Variants in SORCS3 observed in about 807,000 individuals in gnomAD.
The protein encoded by SORCS3 is VPS10 domain-containing receptor SorCS3.
Under a neutral mutation model 146.3 loss-of-function variants are expected in SORCS3, and 57 were observed. That is an observed-to-expected ratio of 0.39 (90% CI 0.31 to 0.49). SORCS3 has a LOEUF of 0.49. SORCS3 is among the 20% of genes least tolerant of loss of function. The pLI, the probability that SORCS3 is intolerant of heterozygous loss-of-function variation, is 0.92. For synonymous variants in SORCS3, 653 were observed against 618.5 expected (o/e 1.06, Z -0.83); for missense variants, 1,341 against 1,575.5 (o/e 0.85, Z 2.52).
At chr10:104,740,982 G>A (rs2016834235) in intron 1 of SORCS3, among the ~76,000 whole-genome samples, 1 of 151,696 alleles carries the variant, frequency 6.6e-6, no homozygotes, top group South Asian at 2.1e-4. Context: ...TTATTTTGGA[G>A]ACAGGGTCTC....
At chr10:104,832,044 T>C (rs959025966) in intron 1 of SORCS3, among the ~76,000 whole-genome samples, 3 of 152,192 alleles carry the variant, frequency 2.0e-5, no homozygotes, top group Admixed American at 6.5e-5. Flanking sequence ...CAGCTACCCA[T>C]TTTGTATTTC....
chr10:104,895,595 T>C (rs1253558289), intron 2 of SORCS3, among the ~76,000 whole-genome samples: 1 of 152,200 alleles, frequency 6.6e-6, no homozygotes, highest in African/African-American at 2.4e-5. Flanking sequence ...ACAGCATCTG[T>C]GTCTCAGGGA....
intron 3 of SORCS3, among the ~76,000 whole-genome samples, chr10:104,969,338 T>TGC (rs1275082596): frequency 5.2e-4 from 75 of 143,440 alleles, no homozygotes; most frequent in African/African-American, 1.4e-3. Context: ...TGTGTGTGTG[T>TGC]GTGCGCGCGC....
chr10:104,953,120 A>G (rs1272785422), intron 3 of SORCS3, among the ~76,000 whole-genome samples: 2 of 152,240 alleles, frequency 1.3e-5, no homozygotes, highest in African/African-American at 2.4e-5. Flanking sequence ...AGAGGAGGAT[A>G]GCTAACCAAA....
intron 7 of SORCS3, among the ~76,000 whole-genome samples, chr10:105,110,472 C>T (rs1469345399): frequency 1.3e-5 from 2 of 151,672 alleles, no homozygotes; most frequent in Non-Finnish European, 2.9e-5. Flanking sequence ...ATATGTTTAA[C>T]TATTGCTTAT....
intron 14 of SORCS3, among the ~76,000 whole-genome samples, chr10:105,185,027 A>C (rs995047908): frequency 2.6e-5 from 4 of 152,150 alleles, no homozygotes; most frequent in Admixed American, 2.0e-4. Context: ...GAGTTTGACT[A>C]TTTTAGATAC....
At chr10:104,960,640 G>A (rs908929751) in intron 3 of SORCS3, among the ~76,000 whole-genome samples, 3 of 152,148 alleles carry the variant, frequency 2.0e-5, no homozygotes, top group Non-Finnish European at 4.4e-5. Flanking sequence ...ACATTAGTAA[G>A]GACAGAAAAC....
chr10:105,033,054 CAAAA>C (rs1332196926), intron 4 of SORCS3, among the ~76,000 whole-genome samples: 1 of 152,058 alleles, frequency 6.6e-6, no homozygotes, highest in Non-Finnish European at 1.5e-5. Flanking sequence ...ACTGTGGAGA[CAAAA>C]GAATGGACTT....
intron 2 of SORCS3, among the ~76,000 whole-genome samples, chr10:104,873,316 T>G (rs919347723): frequency 9.9e-5 from 15 of 152,220 alleles, no homozygotes; most frequent in Admixed American, 9.2e-4. Flanking sequence ...TCATCCTTGC[T>G]GGAAATCCAT....
intron 3 of SORCS3, among the ~76,000 whole-genome samples, chr10:104,959,604 A>G (rs59364394): frequency 0.07 from 10,726 of 152,204 alleles, 1,139 homozygotes; most frequent in African/African-American, 0.23. Flanking sequence ...CCAGTGGACT[A>G]AAACAGGGGT....
chr10:104,895,988 G>C (rs1397292776), intron 2 of SORCS3, among the ~76,000 whole-genome samples: 2 of 152,190 alleles, frequency 1.3e-5, no homozygotes, highest in African/African-American at 2.4e-5. Flanking sequence ...AAATGTGTTG[G>C]AGGAGAAGAT....
chr10:104,826,763 A>G (rs2017940110), intron 1 of SORCS3, among the ~76,000 whole-genome samples: 1 of 152,178 alleles, frequency 6.6e-6, no homozygotes, highest in Non-Finnish European at 1.5e-5. Flanking sequence ...CTCTTCTTTC[A>G]TGAAAGATTT....
chr10:104,828,958 TC>T (rs1695795179), intron 1 of SORCS3, among the ~76,000 whole-genome samples: 1 of 152,138 alleles, frequency 6.6e-6, no homozygotes, highest in African/African-American at 2.4e-5. Flanking sequence ...AAGACATTGC[TC>T]CCAGAAAGGA....
intron 3 of SORCS3, among the ~76,000 whole-genome samples, chr10:104,919,500 G>A (rs1308542477): frequency 2.6e-5 from 4 of 152,024 alleles, no homozygotes; most frequent in Non-Finnish European, 5.9e-5. Flanking sequence ...AGACCAGCCT[G>A]ACCAACATGG....
chr10:104,722,302 C>T (rs1325434070), intron 1 of SORCS3, among the ~76,000 whole-genome samples: 1 of 152,192 alleles, frequency 6.6e-6, no homozygotes, highest in Non-Finnish European at 1.5e-5. Flanking sequence ...ATATGTTGAA[C>T]CAGCCTTGCA....
intron 4 of SORCS3, among the ~76,000 whole-genome samples, chr10:104,980,987 A>C (rs993298378): frequency 6.6e-6 from 1 of 152,208 alleles, no homozygotes; most frequent in Non-Finnish European, 1.5e-5. Context: ...ATACCGGCCA[A>C]GGCCTGGGTG....
intron 25 of SORCS3, among the ~76,000 whole-genome samples, chr10:105,260,123 T>C (rs1375496980): frequency 6.6e-6 from 1 of 152,192 alleles, no homozygotes; most frequent in African/African-American, 2.4e-5. Context: ...ATATGCCAGT[T>C]TTTAGATGTG....
Position 105,067,979 on chromosome 10 carries a change from A to G in SORCS3, c.1029-21796A>G, listed in dbSNP as rs982113524. Among the ~76,000 whole-genome samples the G allele has an allele frequency of 4.6e-5, 7 of 151,960 alleles. No homozygotes were observed. The South Asian group carries it at 1.0e-3, about 23-fold the overall frequency. On this transcript the variant is annotated intron_variant, in intron 5 of 26. Coordinates refer to ENST00000369701, the MANE Select transcript of SORCS3 (RefSeq NM_014978.3). Reference sequence around the variant, plus strand: ...CAAAGAGACACATTTCCCCACTCTCATCAATGCTTCCAGTCCCTCTAAAGA... The same window carrying G: ...CAAAGAGACACATTTCCCCACTCTCGTCAATGCTTCCAGTCCCTCTAAAGA...
intron 1 of SORCS3, among the ~76,000 whole-genome samples, chr10:104,800,997 TCTC>T (rs2017617938): frequency 6.6e-6 from 1 of 152,260 alleles, no homozygotes; most frequent in African/African-American, 2.4e-5. Context: ...GAGTCTTCCT[TCTC>T]CTAAATTTGT....
Sources: gnomAD v4.1 joint callset for allele counts (sites outside exome capture counted in the v4.1 genomes callset) on GRCh38, gnomAD v4.1.1 for gene constraint, MANE v1.5 for transcripts, NCBI Gene and HGNC (gene_info 2026-07-23, HGNC 2026-07-21) for gene names.